Variants in OTOP3 observed in about 807,000 individuals in gnomAD.
OTOP3 encodes the protein otopetrin 3.
Under a neutral mutation model 50.8 loss-of-function variants are expected in OTOP3, and 41 were observed. That is an observed-to-expected ratio of 0.81 (90% CI 0.63 to 1.05). The LOEUF (loss-of-function observed/expected upper bound fraction) is 1.05, where lower values mean the gene tolerates loss of function less well. Ranked by LOEUF, OTOP3 falls within the 50% of genes least tolerant of loss-of-function variation. The pLI is 0.00. For synonymous variants in OTOP3, 320 were observed against 324.4 expected, an observed-to-expected ratio of 0.99 and a Z score of 0.14; for missense variants, 788 against 760.8, an observed-to-expected ratio of 1.04 and a Z score of -0.42.
intron 1 of OTOP3, among the ~76,000 whole-genome samples, chr17:74,939,795 G>T (rs1484126484): frequency 6.6e-6 from 1 of 152,174 alleles, no homozygotes; most frequent in African/African-American, 2.4e-5. Flanking sequence ...AACCTTCAAA[G>T]TCAAGGGCGT....
chr17:74,941,900 G>T lies in OTOP3; in HGVS notation c.437-1G>T. 1.2e-6 allele frequency: 2 copies of T among 1,603,270 alleles called. No homozygotes were observed. The highest frequency in any genetic ancestry group is 3.4e-5 in the Admixed American group (2 of 59,548). On this transcript the variant is annotated splice_acceptor_variant, in intron 2 of 6. Coordinates refer to ENST00000328801, the MANE Select transcript of OTOP3 (RefSeq NM_001272005.2). LOFTEE classifies it high-confidence loss of function. ...CAACGCCCGCCCACATGTCCGGCCA[G>T]GTTCCCTAGTGCTCTTCGGCAGCTG...
At chr17:74,937,897 G>C (rs559213944) in intron 1 of OTOP3, among the ~76,000 whole-genome samples, 2 of 152,240 alleles carry the variant, frequency 1.3e-5, no homozygotes, top group African/African-American at 4.8e-5. Flanking sequence ...AGAGAGGAAG[G>C]CTTTCCAGGT....
chr17:74,941,252 G>C (rs2039168557), intron 1 of OTOP3, 141 bp from the exon 2 acceptor site: 2 of 847,966 alleles, frequency 2.4e-6, no homozygotes, highest in Non-Finnish European at 3.4e-6. Flanking sequence ...AGATGGGGCA[G>C]CTGCTATTAG....
intron 5 of OTOP3, among the ~76,000 whole-genome samples, chr17:74,945,961 GTTTTTGT>G (rs1191180633): frequency 2.1e-5 from 3 of 141,050 alleles, no homozygotes; most frequent in South Asian, 2.3e-4. Context: ...TTTTTTGTTA[GTTTTTGT>G]TTTTTGTTTT....
rs1316347001 is a variant in OTOP3, at chr17:74,943,645, G to C, written c.672G>C (p.Leu224=). ...LMLTLATNLL[L]WVLAVTNDSM... ...TGACCCTGGCCACAAACCTGCTGCTGTGGGTTCTGGCCGTTACCAATGACT... is the reference window on the plus strand; with the variant it reads ...TGACCCTGGCCACAAACCTGCTGCTCTGGGTTCTGGCCGTTACCAATGACT... The change falls in exon 5 of 7, where the codon CTG becomes CTC. Residue 224 remains leucine (L), a synonymous_variant. Transcript: ENST00000328801. The C allele has an allele frequency of 6.2e-7, 1 of 1,613,568 alleles. No homozygotes were observed. Among genetic ancestry groups the C allele is most frequent in the Non-Finnish European group, 8.5e-7 (1 of 1,180,004 alleles).
At chr17:74,941,247 G>C in intron 1 of OTOP3, 146 bp from the exon 2 acceptor site, 1 of 801,512 alleles carries the variant, frequency 1.2e-6, no homozygotes, top group Non-Finnish European at 1.9e-6. Flanking sequence ...AAGATAGATG[G>C]GGCAGCTGCT....
In OTOP3 at chr17:74,947,084, C is replaced by T. The variant is rs138864901; in HGVS notation, c.1175C>T (p.Pro392Leu). 21 of 1,614,044 alleles carry T rather than the reference C, an allele frequency of 1.3e-5. No homozygotes were observed. The highest frequency in any genetic ancestry group is 5.1e-6 in the Non-Finnish European group (6 of 1,180,060). The change falls in exon 6 of 7, where the codon CCT becomes CTT. Residue 392 changes from proline to leucine, a missense_variant. Physicochemically the swap from Pro to Leu is moderately conservative, Grantham distance 98 (BLOSUM62 -3). Transcript: ENST00000328801. ...EERELDTVKN[P>L]TRSLDVVLLM... ...AGAGAGCTGGACACGGTCAAGAACC[C>T]TACCCGCAGCCTGGATGTGGTGCTG...
intron 3 of OTOP3, among the ~76,000 whole-genome samples, chr17:74,942,824 A>G (rs1244766119): frequency 6.6e-6 from 1 of 152,076 alleles, no homozygotes; most frequent in Non-Finnish European, 1.5e-5. Flanking sequence ...AGGCGCCTGT[A>G]GTCCCAGCTA....
intron 1 of OTOP3, among the ~76,000 whole-genome samples, chr17:74,939,362 C>A (rs1161140889): frequency 6.6e-6 from 1 of 152,080 alleles, no homozygotes; most frequent in African/African-American, 2.4e-5. Flanking sequence ...GCAATGAGCA[C>A]CTAGAACCCT....
intron 5 of OTOP3, among the ~76,000 whole-genome samples, chr17:74,945,110 G>A (rs1413273978): frequency 6.6e-6 from 1 of 151,926 alleles, no homozygotes; most frequent in African/African-American, 2.4e-5. Flanking sequence ...AGCACACCCA[G>A]CTAATTTTTA....
chr17:74,946,810 G>T lies in OTOP3; in HGVS notation c.901G>T (p.Val301Leu). 1.2e-6 allele frequency: 2 copies of T among 1,611,638 alleles called. No individual in the cohort carries two copies. The highest frequency in any genetic ancestry group is 2.2e-5 in the East Asian group (1 of 44,874). The stretch of plus-strand genomic sequence containing the variant: ...CATGTGGAAGAACGTGGGCCGCCAC[G>T]TGGCACCCCACATGGGTGCCCACCC... ...FVMWKNVGRH[V>L]APHMGAHPAT... Residue 301 changes from valine to leucine, a missense_variant, in exon 6 of 7, where the codon GTG becomes TTG. Transcript: ENST00000328801.
chr17:74,941,286 C>T, intron 1 of OTOP3, 107 bp from the exon 2 acceptor site: 1 of 1,248,878 alleles, frequency 8.0e-7, no homozygotes, highest in Non-Finnish European at 1.1e-6. Flanking sequence ...ACCACCCAAC[C>T]AGAGAGGCCG....
At chr17:74,937,567 G>T (rs187024391) in intron 1 of OTOP3, among the ~76,000 whole-genome samples, 2 of 152,158 alleles carry the variant, frequency 1.3e-5, no homozygotes, top group South Asian at 2.1e-4. Flanking sequence ...CAATTTGGGT[G>T]GGGGAGCTTA....
In OTOP3 at chr17:74,935,917, C is replaced by T. The variant is rs566025730; in HGVS notation, c.-5C>T. On this transcript the variant is annotated 5_prime_UTR_variant, in exon 1 of 7. The change creates a new upstream start codon in the 5' untranslated region. Transcript: ENST00000328801. ...GCGCCCGCAGTCGGTGGTTAGCCCA[C>T]GGCGATGCCTCTCCCGGCCTCAGGT... 7.1e-6 allele frequency: 11 copies of T among 1,546,000 alleles called. No homozygotes were observed. Among genetic ancestry groups the T allele is most frequent in the East Asian group, 2.4e-5 (1 of 40,888 alleles).
intron 5 of OTOP3, among the ~76,000 whole-genome samples, chr17:74,944,753 C>T (rs2039209835): frequency 6.6e-6 from 1 of 151,962 alleles, no homozygotes; most frequent in Non-Finnish European, 1.5e-5. Flanking sequence ...GTGAAACTGT[C>T]ATAAAACAAA....
In OTOP3 at chr17:74,941,519, C is replaced by G. The variant is rs754554949; in HGVS notation, c.146C>G (p.Ser49Cys). 6.2e-7 allele frequency: 1 copy of G among 1,613,848 alleles called. No individual in the cohort carries two copies. Among genetic ancestry groups the G allele is most frequent in the Admixed American group, 1.7e-5 (1 of 60,010 alleles). ...RAAATRPRQKSWLVRHFSLLL... is the reference protein window; with the variant it reads ...RAAATRPRQKCWLVRHFSLLL... ...GCCGCCACCCGGCCCCGGCAGAAGT[C>G]CTGGCTGGTGAGGCATTTCTCTCTG... Residue 49 changes from serine to cysteine, a missense_variant, in exon 2 of 7, where the codon TCC becomes TGC. By Grantham distance (112) the Ser-to-Cys change is moderately radical. Transcript: ENST00000328801.
chr17:74,937,567 G>A (rs187024391), intron 1 of OTOP3, among the ~76,000 whole-genome samples: 7 of 152,158 alleles, frequency 4.6e-5, no homozygotes, highest in African/African-American at 1.7e-4. Context: ...CAATTTGGGT[G>A]GGGGAGCTTA....
intron 3 of OTOP3, among the ~76,000 whole-genome samples, chr17:74,942,671 C>T (rs1425522435): frequency 6.6e-6 from 1 of 151,034 alleles, no homozygotes; most frequent in Non-Finnish European, 1.5e-5. Flanking sequence ...GTGGCTCACA[C>T]CTGTAATCCC....
chr17:74,949,526 C>T lies in OTOP3; in HGVS notation c.*110C>T. ...GGTGCCGAGACCAGCCTGAGGCTCT[C>T]AAGGCCTCCTGCTCCCCAGAGCCTC... is the stretch of plus-strand genomic sequence containing the variant. On this transcript the variant is annotated 3_prime_UTR_variant, in exon 7 of 7. Coordinates refer to ENST00000328801, the MANE Select transcript of OTOP3 (RefSeq NM_001272005.2). 1.6e-6 allele frequency: 2 copies of T among 1,254,914 alleles called. No homozygotes were observed. The highest frequency in any genetic ancestry group is 2.2e-6 in the Non-Finnish European group (2 of 915,922). The allele number at this position is 1,254,914 out of a possible 1,614,324, so 77.7% of individuals were successfully genotyped here.
Sources: gnomAD v4.1 joint callset for allele counts (sites outside exome capture counted in the v4.1 genomes callset) on GRCh38, gnomAD v4.1.1 for gene constraint, MANE v1.5 for transcripts, NCBI Gene and HGNC (gene_info 2026-07-23, HGNC 2026-07-21) for gene names.